The following PTAR1 variants were observed in gnomAD, a reference collection of about 807,000 sequenced individuals.
PTAR1 encodes the protein protein prenyltransferase alpha subunit repeat-containing protein 1.
Under a neutral mutation model 45.5 loss-of-function variants are expected in PTAR1, and 17 were observed. The ratio of observed to expected loss-of-function variants is 0.37; its 90% CI spans 0.26 to 0.56. The LOEUF is 0.56. Ranked by LOEUF, PTAR1 falls within the 20% of genes least tolerant of loss-of-function variation. The probability of loss-of-function intolerance (pLI) is 0.77; values close to 1 mark genes in which losing one functional copy is unlikely to be tolerated. For synonymous variants in PTAR1, 169 were observed against 171.3 expected (o/e 0.99, Z 0.11); for missense variants, 391 against 476.3 (o/e 0.82, Z 1.67).
chr9:69,718,225 A>C lies in PTAR1; in HGVS notation c.*117T>G. 1.5e-6 allele frequency: 1 copy of C among 653,462 alleles called. No homozygotes were observed. Among genetic ancestry groups the C allele is most frequent in the East Asian group, 2.8e-5 (1 of 35,972 alleles). The allele number at this position is 653,462 out of a possible 1,614,324, so 40.5% of individuals were successfully genotyped here. A position where few individuals can be genotyped will look rare whatever the true frequency, so the allele number is the denominator to read the frequency against. ...AAGATTTACTATGGACTTTCAACCT[A>C]AAGACGAAGAACATATGGTTAGCCA... On this transcript the variant is annotated 3_prime_UTR_variant, in exon 8 of 8. Transcript: ENST00000340434.
chr9:69,738,066 A>G (rs373820398), intron 3 of PTAR1, among the ~76,000 whole-genome samples: 2 of 152,124 alleles, frequency 1.3e-5, no homozygotes, highest in African/African-American at 2.4e-5. Context: ...TCCCTCCAGG[A>G]TCCCTTATAT....
rs1824769748 is a variant in PTAR1 at position 69,717,345 on chromosome 9, C to G, written c.*997G>C. ...AGTAGTAATAGCTAAAAATGGCATT[C>G]CAGGTTTTCAGGAAAAAAAAATCAA... On this transcript the variant is annotated 3_prime_UTR_variant, in exon 8 of 8. Coordinates refer to ENST00000340434, the MANE Select transcript of PTAR1 (RefSeq NM_001099666.2). 6.6e-6 allele frequency: 1 copy of G among 151,954 alleles called. No individual in the cohort carries two copies. Among genetic ancestry groups the G allele is most frequent in the African/African-American group, 2.4e-5 (1 of 41,362 alleles). 9.4% of individuals were successfully genotyped at this position (151,954 alleles called of 1,614,324 possible). A position where few individuals can be genotyped will look rare whatever the true frequency, so the allele number is the denominator to read the frequency against.
chr9:69,729,397 C>T (rs1278069950), intron 5 of PTAR1, among the ~76,000 whole-genome samples: 2 of 152,116 alleles, frequency 1.3e-5, no homozygotes, highest in East Asian at 3.8e-4. Context: ...AAATCATCTT[C>T]CAAAATATAC....
intron 1 of PTAR1, among the ~76,000 whole-genome samples, chr9:69,751,342 T>TAAA (rs202183826): frequency 7.0e-6 from 1 of 143,802 alleles, no homozygotes; most frequent in African/African-American, 2.6e-5. Context: ...ATAAGACTAG[T>TAAA]AAAAAAAAAA....
Position 69,718,023 on chromosome 9 carries a change from G to A in PTAR1, c.*319C>T, listed in dbSNP as rs905467469. On this transcript the variant is annotated 3_prime_UTR_variant, in exon 8 of 8. Transcript: ENST00000340434. ...CCTATGCAGCAATTGGACTGAGGGG[G>A]GTAGAGGTGTGTGTGTGTGAACCAA... 3 of 222,036 alleles carry A rather than the reference G, an allele frequency of 1.4e-5. No individual in the cohort carries two copies. Among genetic ancestry groups the A allele is most frequent in the African/African-American group, 4.5e-5 (2 of 43,974 alleles). The allele number at this position is 222,036 out of a possible 1,614,324, so 13.8% of individuals were successfully genotyped here.
intron 1 of PTAR1, among the ~76,000 whole-genome samples, chr9:69,754,532 CTTTTT>C (rs60025062): frequency 2.1e-4 from 16 of 76,266 alleles, no homozygotes; most frequent in Admixed American, 2.1e-3. Flanking sequence ...GGGTATATAT[CTTTTT>C]TTTTTTTTTT....
rs755220044 is a variant in PTAR1, at chr9:69,732,351, G to A, written c.430C>T (p.Arg144Ter). The change falls in exon 5 of 8, where the codon CGA (arginine) becomes TGA (stop). Residue 144 changes from arginine (R) to a stop codon, truncating the protein, a stop_gained and splice_region_variant. Coordinates refer to ENST00000340434, the MANE Select transcript of PTAR1 (RefSeq NM_001099666.2). LOFTEE classifies it high-confidence loss of function. Reference protein sequence around the residue: ...PKSPETWIHRRWVLQQLIQET... With the variant: ...PKSPETWIHR The stretch of plus-strand genomic sequence containing the variant: ...TGAATTAGCTGTTGTAGCACCCATC[G>A]CCTGTTAAGGCAGCATGTGGGAAAG... 3 of 1,607,728 alleles carry A rather than the reference G, an allele frequency of 1.9e-6. No individual in the cohort carries two copies. Among genetic ancestry groups the A allele is most frequent in the Admixed American group, 1.7e-5 (1 of 59,954 alleles).
At chr9:69,720,752 A>G (rs1824959216) in intron 6 of PTAR1, among the ~76,000 whole-genome samples, 1 of 152,214 alleles carries the variant, frequency 6.6e-6, no homozygotes, top group Non-Finnish European at 1.5e-5. Context: ...TTACCATTCC[A>G]ATAATCTTAG....
intron 1 of PTAR1, 106 bp downstream of exon 1, chr9:69,759,747 G>A: frequency 8.8e-7 from 1 of 1,135,204 alleles, no homozygotes; most frequent in Non-Finnish European, 1.2e-6. Flanking sequence ...AAGGGCTCGT[G>A]GGCCAGGACC....
At position 69,723,316 on chromosome 9, in the gene PTAR1, C is replaced by A; in HGVS notation, c.947+10G>T. ...GTTTTGTGTAGGAAATAGATTTTCCCTTTTCTTACCTATGACACCAAAGGG... is the reference window on the plus strand; with the variant it reads ...GTTTTGTGTAGGAAATAGATTTTCCATTTTCTTACCTATGACACCAAAGGG... On this transcript the variant is annotated intron_variant, in intron 6 of 7. Transcript: ENST00000340434. 1.2e-6 allele frequency: 2 copies of A among 1,609,180 alleles called. No individual in the cohort carries two copies. Among genetic ancestry groups the A allele is most frequent in the Non-Finnish European group, 1.7e-6 (2 of 1,176,704 alleles).
At position 69,732,190 on chromosome 9, in the gene PTAR1, A is replaced by G. The variant is rs758205738; in HGVS notation, c.591T>C (p.Ala197=). The change falls in exon 5 of 8, where the codon GCT becomes GCC. Residue 197 remains alanine, a synonymous_variant. Coordinates refer to ENST00000340434, the MANE Select transcript of PTAR1 (RefSeq NM_001099666.2). The part of the protein sequence containing the change: ...AAGRYPSNYN[A]WSHRIWVLQH... ...GTAAAACCCAGATGCGATGGGACCAAGCATTATAGTTGCTTGGGTATCTCC... is the reference window on the plus strand; with the variant it reads ...GTAAAACCCAGATGCGATGGGACCAGGCATTATAGTTGCTTGGGTATCTCC... The G allele has an allele frequency of 5.0e-6, 8 of 1,613,672 alleles. No homozygotes were observed. In the Admixed American group the frequency reaches 5.0e-5, roughly 10 times the overall value.
chr9:69,731,138 T>A (rs1825515052), intron 5 of PTAR1, among the ~76,000 whole-genome samples: 1 of 152,122 alleles, frequency 6.6e-6, no homozygotes, highest in Admixed American at 6.5e-5. Flanking sequence ...TCTTCCAGAA[T>A]TATTGGCTTA....
rs11140036 is a variant in PTAR1 at position 69,732,689 on chromosome 9, C to A, written c.429-337G>T. Among the ~76,000 whole-genome samples the A allele has an allele frequency of 9.7e-3, 1,479 of 151,830 alleles. 15 individuals carry two copies. The highest frequency in any genetic ancestry group is 0.034 in the African/African-American group (1,413 of 41,422). On this transcript the variant is annotated intron_variant, in intron 4 of 7. Transcript: ENST00000340434. ...GGCAATTGGTGTGTGTGTGTGTGGTCGTGGTGAGAGGTCATAAATTAATGG... is the reference window on the plus strand; with the variant it reads ...GGCAATTGGTGTGTGTGTGTGTGGTAGTGGTGAGAGGTCATAAATTAATGG...
chr9:69,744,164 T>G (rs1826166680), intron 2 of PTAR1, among the ~76,000 whole-genome samples: 2 of 152,246 alleles, frequency 1.3e-5, no homozygotes, highest in African/African-American at 4.8e-5. Context: ...CAGCTTGGCC[T>G]TCCATTACTT....
At chr9:69,751,023 G>A (rs1826504979) in intron 1 of PTAR1, 73 bp from the exon 2 acceptor site, 1 of 1,127,036 alleles carries the variant, frequency 8.9e-7, no homozygotes, top group African/African-American at 1.6e-5. Context: ...TAATTTCAGA[G>A]TATTTTAAAA....
At chr9:69,722,076 G>A (rs893083455) in intron 6 of PTAR1, among the ~76,000 whole-genome samples, 2 of 152,152 alleles carry the variant, frequency 1.3e-5, no homozygotes, top group African/African-American at 4.8e-5. Flanking sequence ...TAATGAAGGT[G>A]CCAAAGAGGG....
chr9:69,721,949 G>A (rs985640316), intron 6 of PTAR1, among the ~76,000 whole-genome samples: 1 of 152,246 alleles, frequency 6.6e-6, no homozygotes, highest in East Asian at 1.9e-4. Flanking sequence ...TATTGCAGTG[G>A]TCTGGAACTG....
At chr9:69,755,106 A>G (rs891233932) in intron 1 of PTAR1, among the ~76,000 whole-genome samples, 1 of 152,138 alleles carries the variant, frequency 6.6e-6, no homozygotes, top group Non-Finnish European at 1.5e-5. Context: ...GTTTCTGGCC[A>G]TTTACATTCC....
At chr9:69,730,104 A>G (rs1320299864) in intron 5 of PTAR1, among the ~76,000 whole-genome samples, 3 of 152,164 alleles carry the variant, frequency 2.0e-5, no homozygotes, top group South Asian at 4.2e-4. Context: ...CCAATGGCTT[A>G]TAACAACAGA....
Sources: allele counts gnomAD v4.1 joint callset (sites outside exome capture counted in the v4.1 genomes callset), GRCh38; gene constraint gnomAD v4.1.1; transcripts MANE v1.5; gene names NCBI Gene and HGNC (gene_info 2026-07-23, HGNC 2026-07-21).